DLG2: variants seen among roughly 807,000 people sequenced by gnomAD.
DLG2 encodes disks large homolog 2.
A neutral mutation model predicts 132.5 loss-of-function variants in DLG2; 45 were observed. The observed-to-expected ratio is 0.34, with a 90% CI of 0.27 to 0.44. The LOEUF is 0.44. Among genes scored for constraint, DLG2 ranks in the 20% least tolerant of loss-of-function variants. The pLI, the probability that DLG2 is intolerant of heterozygous loss-of-function variation, is 1.00. For synonymous variants in DLG2, 424 were observed against 419.6 expected (o/e 1.01, Z -0.13); for missense variants, 1,045 against 1,196.9 (o/e 0.87, Z 1.87).
At chr11:83,718,381 A>G (rs944101535) in intron 18 of DLG2, among the ~76,000 whole-genome samples, 2 of 152,004 alleles carry the variant, frequency 1.3e-5, no homozygotes, top group African/African-American at 4.8e-5. Flanking sequence ...TACTAAAAAT[A>G]CCAAAAATTA....
chr11:84,576,056 T>C (rs1049019908), intron 6 of DLG2, among the ~76,000 whole-genome samples: 1 of 152,246 alleles, frequency 6.6e-6, no homozygotes, highest in Non-Finnish European at 1.5e-5. Context: ...TTTAAGTCTT[T>C]GTTTGAGATG....
chr11:84,955,423 T>C (rs919420351), intron 6 of DLG2: 2 of 152,206 alleles, frequency 1.3e-5, no homozygotes, highest in Admixed American at 6.5e-5. Flanking sequence ...AACCTCAGAG[T>C]TGGACCTCAG....
intron 18 of DLG2, among the ~76,000 whole-genome samples, chr11:83,774,793 ACAT>A (rs2094522753): frequency 6.6e-6 from 1 of 152,148 alleles, no homozygotes. Flanking sequence ...TGAACATTCT[ACAT>A]CCATTTTCAC....
intron 16 of DLG2, among the ~76,000 whole-genome samples, chr11:83,837,389 A>G (rs2056484082): frequency 6.6e-6 from 1 of 152,064 alleles, no homozygotes; most frequent in Non-Finnish European, 1.5e-5. Flanking sequence ...GTGGGGATGG[A>G]AATTCAGTTC....
intron 7 of DLG2, among the ~76,000 whole-genome samples, chr11:84,422,400 T>A (rs1049081947): frequency 2.2e-4 from 34 of 152,208 alleles, no homozygotes; most frequent in Non-Finnish European, 7.4e-5. Context: ...TAAAATTTAT[T>A]TGATTGTAAG....
chr11:84,988,816 A>G (rs1013268474), intron 6 of DLG2, among the ~76,000 whole-genome samples: 3 of 152,200 alleles, frequency 2.0e-5, no homozygotes, highest in Admixed American at 1.3e-4. Context: ...ACAAATCACC[A>G]CTACAGAACT....
chr11:83,589,447 T>G (rs1359843403), intron 19 of DLG2, among the ~76,000 whole-genome samples: 1 of 148,964 alleles, frequency 6.7e-6, no homozygotes, highest in South Asian at 2.2e-4. Flanking sequence ...TGCTGAGAGA[T>G]TTTGTCACCA....
At chr11:84,599,206 T>C (rs1363094263) in intron 6 of DLG2, among the ~76,000 whole-genome samples, 10 of 152,090 alleles carry the variant, frequency 6.6e-5, no homozygotes, top group African/African-American at 2.2e-4. Context: ...GATCATGCCA[T>C]TGCACAGCAG....
chr11:85,307,089 G>C lies in DLG2; in HGVS notation c.41-21724C>G, dbSNP rs550357014. Among the ~76,000 whole-genome samples the C allele has an allele frequency of 2.4e-4, 36 of 152,334 alleles. No homozygotes were observed. In the South Asian group the frequency reaches 6.2e-3, roughly 26 times the overall value. ...AACTGAATAAACTATTGTAGGCAAA[G>C]ACAGGTTGGCCATCCACACAGTATA... On this transcript the variant is annotated intron_variant, in intron 3 of 27. Transcript: ENST00000376104.
At chr11:84,177,116 G>C (rs1355080664) in intron 8 of DLG2, among the ~76,000 whole-genome samples, 1 of 152,058 alleles carries the variant, frequency 6.6e-6, no homozygotes, top group Non-Finnish European at 1.5e-5. Context: ...TGGTAGGGCA[G>C]GGAGAAGAGA....
intron 6 of DLG2, among the ~76,000 whole-genome samples, chr11:85,087,944 A>G (rs1223061168): frequency 1.3e-5 from 2 of 152,094 alleles, no homozygotes; most frequent in Non-Finnish European, 2.9e-5. Context: ...AAAGACATTA[A>G]AATGTTTTAA....
chr11:84,682,358 G>A (rs969640319), intron 6 of DLG2, among the ~76,000 whole-genome samples: 8 of 152,142 alleles, frequency 5.3e-5, no homozygotes. Context: ...ACTGTTGTGA[G>A]GGTTAAATGA....
At chr11:84,669,253 T>C (rs1038577467) in intron 6 of DLG2, among the ~76,000 whole-genome samples, 5 of 152,014 alleles carry the variant, frequency 3.3e-5, no homozygotes, top group African/African-American at 1.2e-4. Context: ...GTATGCTTGG[T>C]GTATTTGAGA....
At position 83,530,977 on chromosome 11, in the gene DLG2, A is replaced by G. The variant is rs2095727996; in HGVS notation, c.2193+1731T>C. ...AATTCATATGCAAAAGAATGAAATC[A>G]GAACCCTAACTCATACAACGTACAA... On this transcript the variant is annotated intron_variant, in intron 21 of 27. Transcript: ENST00000376104. Among the ~76,000 whole-genome samples the G allele has an allele frequency of 3.3e-5, 5 of 152,036 alleles. No individual in the cohort carries two copies. The South Asian group carries it at 1.0e-3, about 31-fold the overall frequency.
chr11:85,285,629 G>A lies in DLG2; in HGVS notation c.41-264C>T, dbSNP rs895683096. Among the ~76,000 whole-genome samples, 7 of 151,902 alleles carry A rather than the reference G, an allele frequency of 4.6e-5. No homozygotes were observed. In the East Asian group the frequency reaches 1.3e-3, roughly 29 times the overall value. Reference sequence around the variant, plus strand: ...TAAACTGTAGTAAATCCATATAATAGAATGTTATTCAGTAATAAGGAATGA... The same window carrying A: ...TAAACTGTAGTAAATCCATATAATAAAATGTTATTCAGTAATAAGGAATGA... On this transcript the variant is annotated intron_variant, in intron 3 of 27. Transcript: ENST00000376104.
At chr11:84,093,157 G>A (rs541824434) in intron 10 of DLG2, among the ~76,000 whole-genome samples, 2 of 152,114 alleles carry the variant, frequency 1.3e-5, no homozygotes, top group South Asian at 2.1e-4. Flanking sequence ...CTAGCACAGC[G>A]AGGCCAGAAT....
At chr11:85,145,688 T>C (rs2076791321) in intron 5 of DLG2, among the ~76,000 whole-genome samples, 1 of 152,058 alleles carries the variant, frequency 6.6e-6, no homozygotes, top group Non-Finnish European at 1.5e-5. Flanking sequence ...TAAAAAATTA[T>C]TTCAATCTGC....
chr11:84,225,999 C>T (rs1365843716), intron 8 of DLG2, among the ~76,000 whole-genome samples: 3 of 152,050 alleles, frequency 2.0e-5, no homozygotes, highest in Admixed American at 1.3e-4. Context: ...TTAGTAGAGA[C>T]GGAGTTTCCC....
rs150418857 is a variant in DLG2 at position 84,233,107 on chromosome 11, G to A, written c.573+18131C>T. Among the ~76,000 whole-genome samples the A allele has an allele frequency of 6.9e-4, 105 of 152,288 alleles. 1 individual carries two copies. Among genetic ancestry groups the A allele is most frequent in the Middle Eastern group, 3.4e-3 (1 of 294 alleles). Reference sequence around the variant, plus strand: ...TTTTGAGAACTAATTAAAGTAACATGGATGAAAGTGTTATAGTAGGTAGCT... The same window carrying A: ...TTTTGAGAACTAATTAAAGTAACATAGATGAAAGTGTTATAGTAGGTAGCT... On this transcript the variant is annotated intron_variant, in intron 8 of 27. Coordinates refer to ENST00000376104, the MANE Select transcript of DLG2 (RefSeq NM_001142699.3).
Sources: allele counts gnomAD v4.1 joint callset (sites outside exome capture counted in the v4.1 genomes callset), GRCh38; gene constraint gnomAD v4.1.1; transcripts MANE v1.5; gene names NCBI Gene and HGNC (gene_info 2026-07-23, HGNC 2026-07-21).